Variants in CHAT observed in about 807,000 individuals in gnomAD.
The protein encoded by CHAT is choline O-acetyltransferase.
In CHAT, 61 loss-of-function variants were observed where a neutral mutation model predicts 76.9. The observed-to-expected ratio is 0.79, with a 90% CI of 0.65 to 0.98. The LOEUF (loss-of-function observed/expected upper bound fraction) is 0.98, where lower values mean the gene tolerates loss of function less well. CHAT is among the 50% of genes least tolerant of loss of function. CHAT has a pLI of 0.00. For missense variants in CHAT, 946 were observed against 986.9 expected, an observed-to-expected ratio of 0.96 and a Z score of 0.56; for synonymous variants, 407 against 397.4, an observed-to-expected ratio of 1.02 and a Z score of -0.29.
chr10:49,658,741 GA>G lies in CHAT; in HGVS notation c.1839+3299del, dbSNP rs1460217268. 4.6e-5 allele frequency among the ~76,000 whole-genome samples: 7 copies of G among 152,088 alleles called. No homozygotes were observed. The East Asian group carries it at 1.3e-3, about 29-fold the overall frequency. Reference sequence around the variant, plus strand: ...AAACAAACAAACAAAAACTTGAAATGAAAAAAGTACAAGAAACAATTGAACA... The same window carrying G: ...AAACAAACAAACAAAAACTTGAAATGAAAAAGTACAAGAAACAATTGAACA... On this transcript the variant is annotated intron_variant, in intron 13 of 14. Transcript: ENST00000337653.
intron 7 of CHAT, among the ~76,000 whole-genome samples, chr10:49,630,831 C>A (rs1839093563): frequency 6.6e-6 from 1 of 152,122 alleles, no homozygotes; most frequent in Admixed American, 6.5e-5. Context: ...TAGGAGCATG[C>A]AGAGGCTCCC....
chr10:49,642,608 A>G (rs1417865006), intron 7 of CHAT, among the ~76,000 whole-genome samples: 2 of 151,698 alleles, frequency 1.3e-5, no homozygotes, highest in African/African-American at 4.8e-5. Flanking sequence ...CCAGGCCTCC[A>G]CTCTCCTGCC....
chr10:49,613,359 C>T (rs192951691), upstream of CHAT, among the ~76,000 whole-genome samples: 5 of 152,298 alleles, frequency 3.3e-5, no homozygotes, highest in Admixed American at 3.3e-4. Flanking sequence ...CCCACTGCCA[C>T]CCTGTCCTGA....
intron 9 of CHAT, 139 bp downstream of exon 9, chr10:49,648,746 CA>C (rs1839768774): frequency 4.5e-6 from 3 of 668,150 alleles, no homozygotes; most frequent in Middle Eastern, 3.6e-4. Flanking sequence ...CACACACACA[CA>C]CACACACACA....
intron 10 of CHAT, among the ~76,000 whole-genome samples, chr10:49,651,334 G>A (rs925605627): frequency 3.3e-5 from 5 of 151,852 alleles, no homozygotes; most frequent in African/African-American, 9.7e-5. Context: ...ATGGAGTCCC[G>A]ACAGAAGGTG....
At chr10:49,616,124 AAG>A (rs1351407780) in intron 1 of CHAT, 20 of 1,590,684 alleles carry the variant, frequency 1.3e-5, no homozygotes, top group Non-Finnish European at 1.6e-5. Context: ...GCTAGTGGGA[AAG>A]AGAGAGTTTG....
intron 7 of CHAT, among the ~76,000 whole-genome samples, chr10:49,631,933 C>T (rs1401257647): frequency 4.1e-5 from 6 of 147,174 alleles, no homozygotes; most frequent in Non-Finnish European, 8.9e-5. Flanking sequence ...AAGATATTGG[C>T]GCAGCACAGA....
intron 13 of CHAT, among the ~76,000 whole-genome samples, chr10:49,656,811 C>T (rs1460567851): frequency 5.3e-5 from 8 of 152,004 alleles, no homozygotes; most frequent in Non-Finnish European, 1.2e-4. Context: ...GGTTAAGAAC[C>T]TTTCTAATAT....
At chr10:49,649,475 C>CA in intron 9 of CHAT, 33 bp from the exon 10 acceptor site, 2 of 1,613,560 alleles carry the variant, frequency 1.2e-6, no homozygotes, top group Non-Finnish European at 1.7e-6. Flanking sequence ...TGTCTGGCCG[C>CA]AGAGCCTCAG....
At chr10:49,663,865 T>C (rs1299050190) in intron 14 of CHAT, among the ~76,000 whole-genome samples, 2 of 152,230 alleles carry the variant, frequency 1.3e-5, no homozygotes, top group East Asian at 3.8e-4. Flanking sequence ...AAAAGTGCTT[T>C]GGAATGGCTT....
intron 1 of CHAT, chr10:49,616,136 G>C (rs2132700848): frequency 1.3e-6 from 2 of 1,543,352 alleles, no homozygotes; most frequent in East Asian, 4.5e-5. Context: ...GAGAGAGTTT[G>C]ATTGGCAAAG....
At chr10:49,613,967 ACCCTCTCCAGG>A, upstream of CHAT, 1 of 774,560 alleles carries the variant, frequency 1.3e-6, no homozygotes, top group Non-Finnish European at 2.1e-6. Context: ...CTCAGACCCA[ACCCTCTCCAGG>A]ATTCAGCAGC....
chr10:49,610,027 G>C (rs542216096), upstream of CHAT, among the ~76,000 whole-genome samples: 1 of 151,776 alleles, frequency 6.6e-6, no homozygotes, highest in Non-Finnish European at 1.5e-5. Flanking sequence ...GCGGGCGGGG[G>C]GCAGGCAGGG....
At chr10:49,654,611 C>G (rs1188254563) in intron 11 of CHAT, among the ~76,000 whole-genome samples, 2 of 152,246 alleles carry the variant, frequency 1.3e-5, no homozygotes, top group African/African-American at 2.4e-5. Flanking sequence ...AGAAGCCCAG[C>G]TGCCCCTGGA....
intron 7 of CHAT, among the ~76,000 whole-genome samples, chr10:49,643,747 AG>A (rs1289629241): frequency 6.6e-6 from 1 of 152,184 alleles, no homozygotes; most frequent in African/African-American, 2.4e-5. Context: ...GGACACCTCC[AG>A]GCCCCCTGTC....
chr10:49,629,194 G>A (rs1269875352), intron 7 of CHAT, among the ~76,000 whole-genome samples: 1 of 152,216 alleles, frequency 6.6e-6, no homozygotes, highest in African/African-American at 2.4e-5. Flanking sequence ...CAGGGGCCTT[G>A]TCTGTTTGGT....
chr10:49,649,022 G>T (rs190834982), intron 9 of CHAT, among the ~76,000 whole-genome samples: 4 of 152,196 alleles, frequency 2.6e-5, no homozygotes, highest in Non-Finnish European at 5.9e-5. Context: ...TCCCCAGCAG[G>T]GTTCCTCTGT....
At chr10:49,629,404 C>T (rs1190906447) in intron 7 of CHAT, among the ~76,000 whole-genome samples, 6 of 152,226 alleles carry the variant, frequency 3.9e-5, no homozygotes, top group African/African-American at 1.4e-4. Flanking sequence ...GCTGACTGCC[C>T]TCCCGGACCT....
In CHAT at chr10:49,643,436, C is replaced by T. The variant is rs534516006; in HGVS notation, c.1112-3069C>T. Among the ~76,000 whole-genome samples, 4 of 152,332 alleles carry T rather than the reference C, an allele frequency of 2.6e-5. No homozygotes were observed. The South Asian group carries it at 8.3e-4, about 32-fold the overall frequency. On this transcript the variant is annotated intron_variant, in intron 7 of 14. Coordinates refer to ENST00000337653, the MANE Select transcript of CHAT (RefSeq NM_020549.5). The stretch of plus-strand genomic sequence containing the variant: ...TGCCTCTCCCTTCTTCTTTGCTGAT[C>T]TGAACCTGACCCAGACCTGGCCAAG...
Sources: allele counts gnomAD v4.1 joint callset (sites outside exome capture counted in the v4.1 genomes callset), GRCh38; gene constraint gnomAD v4.1.1; transcripts MANE v1.5; gene names NCBI Gene and HGNC (gene_info 2026-07-23, HGNC 2026-07-21).